Variants in BCAS3 observed in about 807,000 individuals in gnomAD.
BCAS3 encodes the protein BCAS3 microtubule associated cell migration factor.
In BCAS3, 53 loss-of-function variants were observed where a neutral mutation model predicts 116.1. That is an observed-to-expected ratio of 0.46 (90% confidence interval 0.37 to 0.57). The LOEUF (loss-of-function observed/expected upper bound fraction) is 0.57, where lower values mean the gene tolerates loss of function less well. BCAS3 is among the 20% of genes least tolerant of loss of function. The pLI is 0.00. For synonymous variants in BCAS3, 391 were observed against 408.2 expected (o/e 0.96, Z 0.51); for missense variants, 917 against 1,165.4 (o/e 0.79, Z 3.10).
At chr17:60,679,405 C>T in intron 1 of BCAS3, 48 bp from the exon 2 acceptor site, 1 of 1,433,486 alleles carries the variant, frequency 7.0e-7, no homozygotes, top group Admixed American at 1.7e-5. Context: ...CCCCCAACAA[C>T]GATCCATGTT....
At chr17:61,311,935 C>G (rs1433384191) in intron 22 of BCAS3, among the ~76,000 whole-genome samples, 3 of 152,104 alleles carry the variant, frequency 2.0e-5, no homozygotes, top group East Asian at 3.9e-4. Context: ...GATCTTGGCA[C>G]CCTGTGTTGA....
At chr17:60,786,664 C>T (rs1369852915) in intron 6 of BCAS3, among the ~76,000 whole-genome samples, 6 of 151,724 alleles carry the variant, frequency 4.0e-5, no homozygotes, top group African/African-American at 1.5e-4. Context: ...GACTCATGAA[C>T]GTTAATTGAC....
At position 61,105,635 on chromosome 17, in the gene BCAS3, C is replaced by A. The variant is rs560907663; in HGVS notation, c.2425+21071C>A. On this transcript the variant is annotated intron_variant, in intron 22 of 23. Coordinates refer to ENST00000407086, the MANE Select transcript of BCAS3 (RefSeq NM_017679.5). This position sits in a 1 kb window ranked among gnomAD's most constrained non-coding sequence, Gnocchi z 4.3. ...ATAGATGGGGTTTCTCCATGTTGGT[C>A]AGGCTGGTCTCGAACTCCCCACCTC... Among the ~76,000 whole-genome samples, 1 of 152,204 alleles carries A rather than the reference C, an allele frequency of 6.6e-6. No individual in the cohort carries two copies. Among genetic ancestry groups the A allele is most frequent in the East Asian group, 1.9e-4 (1 of 5,166 alleles).
intron 9 of BCAS3, chr17:60,886,518 C>G (rs1427427171): frequency 4.7e-4 from 71 of 150,196 alleles, no homozygotes; most frequent in Admixed American, 7.3e-4. Context: ...GAGGAGAGAC[C>G]CTCTGCGTTT....
rs988408971 is a variant in BCAS3 at position 61,161,903 on chromosome 17, G to T, written c.2425+77339G>T. On this transcript the variant is annotated intron_variant, in intron 22 of 23. Coordinates refer to ENST00000407086, the MANE Select transcript of BCAS3 (RefSeq NM_017679.5). The surrounding 1 kb of genome is among the most constrained non-coding windows in gnomAD (Gnocchi z 4.8). Reference sequence around the variant, plus strand: ...CAAAGATGAGCAGCACGGATTTGCTGCGATGGTCAGAATTCAATTATATTA... The same window carrying T: ...CAAAGATGAGCAGCACGGATTTGCTTCGATGGTCAGAATTCAATTATATTA... Among the ~76,000 whole-genome samples, 1 of 152,180 alleles carries T rather than the reference G, an allele frequency of 6.6e-6. No homozygotes were observed. The highest frequency in any genetic ancestry group is 1.5e-5 in the Non-Finnish European group (1 of 68,026).
intron 5 of BCAS3, among the ~76,000 whole-genome samples, chr17:60,712,769 A>C (rs1334685287): frequency 6.6e-6 from 1 of 152,216 alleles, no homozygotes; most frequent in Admixed American, 6.5e-5. Flanking sequence ...ATAAAATATG[A>C]GACTCAAAGA....
chr17:60,811,146 G>A, intron 7 of BCAS3: 3 of 634,288 alleles, frequency 4.7e-6, no homozygotes, highest in South Asian at 1.5e-5. Flanking sequence ...TGAGGGAGGT[G>A]GAGGCCCACT....
At position 61,346,489 on chromosome 17, in the gene BCAS3, G is replaced by C. The variant is rs768049731; in HGVS notation, c.2426-21838G>C. 2.0e-5 allele frequency among the ~76,000 whole-genome samples: 3 copies of C among 152,216 alleles called. No homozygotes were observed. Among genetic ancestry groups the C allele is most frequent in the African/African-American group, 4.8e-5 (2 of 41,448 alleles). The stretch of plus-strand genomic sequence containing the variant: ...CTGGGGCTGTTGTGAGGCTCTGTGG[G>C]ATAGCAGCACATTCAAGCATTGACT... On this transcript the variant is annotated intron_variant, in intron 22 of 23. Transcript: ENST00000407086. The surrounding 1 kb of genome is among the most constrained non-coding windows in gnomAD (Gnocchi z 5.4).
At chr17:61,303,262 G>A (rs1371455085) in intron 22 of BCAS3, among the ~76,000 whole-genome samples, 1 of 152,224 alleles carries the variant, frequency 6.6e-6, no homozygotes, top group East Asian at 1.9e-4. Context: ...GGCATCTTCT[G>A]AGCTGCCTAA....
chr17:60,697,582 CAAAAA>C (rs758307797), intron 4 of BCAS3, among the ~76,000 whole-genome samples: 137 of 59,018 alleles, frequency 2.3e-3, no homozygotes, highest in African/African-American at 6.1e-3. Context: ...GACTCTGTCT[CAAAAA>C]AAAAAAAAAA....
rs550952034 is a variant in BCAS3 at position 60,711,704 on chromosome 17, T to C, written c.321+2379T>C. Among the ~76,000 whole-genome samples the C allele has an allele frequency of 5.6e-5, 7 of 125,376 alleles. No individual in the cohort carries two copies. In the South Asian group the frequency reaches 1.3e-3, roughly 23 times the overall value. The allele number at this position is 125,376 out of a possible 152,430, so 82.3% of individuals were successfully genotyped here. The stretch of plus-strand genomic sequence containing the variant: ...TTATATTTTGAGAGACTTGAATAAT[T>C]TTTTTTTTGATAGAATTTTCTTTGG... On this transcript the variant is annotated intron_variant, in intron 5 of 23. Transcript: ENST00000407086.
In BCAS3 at chr17:60,967,526, G is replaced by C. The variant is rs1055668034; in HGVS notation, c.1221+20174G>C. Among the ~76,000 whole-genome samples, 3 of 151,980 alleles carry C rather than the reference G, an allele frequency of 2.0e-5. No individual in the cohort carries two copies. Among genetic ancestry groups the C allele is most frequent in the Non-Finnish European group, 4.4e-5 (3 of 67,996 alleles). ...TATACGTGTTAGAGTACTTTTATTT[G>C]GGTTGAGTGTTGTTCTCAGTCCTTC... On this transcript the variant is annotated intron_variant, in intron 14 of 23. Transcript: ENST00000407086. This position sits in a 1 kb window ranked among gnomAD's most constrained non-coding sequence, Gnocchi z 4.7.
At chr17:60,736,892 C>CCCTTCCTCCCTT (rs573534704) in intron 5 of BCAS3, among the ~76,000 whole-genome samples, 12 of 130,592 alleles carry the variant, frequency 9.2e-5, no homozygotes, top group East Asian at 5.1e-4. Context: ...CTCCCTCCCT[C>CCCTTCCTCCCTT]CCTCCCTTCC....
intron 22 of BCAS3, among the ~76,000 whole-genome samples, chr17:61,284,794 C>T (rs1568751456): frequency 6.6e-6 from 1 of 152,122 alleles, no homozygotes; most frequent in Non-Finnish European, 1.5e-5. Context: ...CAGAAGAGCT[C>T]TCAGGGTCTC....
At chr17:60,777,668 A>G (rs1474583113) in intron 6 of BCAS3, among the ~76,000 whole-genome samples, 1 of 151,980 alleles carries the variant, frequency 6.6e-6, no homozygotes, top group Non-Finnish European at 1.5e-5. Context: ...CTCACAGGTT[A>G]TTTCTCATTC....
At chr17:61,089,491 T>A (rs2073352862) in intron 22 of BCAS3, among the ~76,000 whole-genome samples, 1 of 144,636 alleles carries the variant, frequency 6.9e-6, no homozygotes, top group South Asian at 2.3e-4. Context: ...TTTTTTTTCT[T>A]CGAGACGGAG....
chr17:60,903,004 T>A (rs761140174), intron 11 of BCAS3, among the ~76,000 whole-genome samples: 1 of 152,188 alleles, frequency 6.6e-6, no homozygotes, highest in Non-Finnish European at 1.5e-5. Flanking sequence ...AGAATATTAT[T>A]CCCTATGAAA....
In BCAS3 at chr17:61,188,187, G is replaced by T. The variant is rs73993716; in HGVS notation, c.2425+103623G>T. ...AAAACAATCTCTCCTTGCTATTCTC[G>T]CTATTGAACAGTCTCCAACTCTTAA... On this transcript the variant is annotated intron_variant, in intron 22 of 23. Transcript: ENST00000407086. The surrounding 1 kb of genome is among the most constrained non-coding windows in gnomAD (Gnocchi z 4.0). 2.0e-5 allele frequency among the ~76,000 whole-genome samples: 3 copies of T among 152,104 alleles called. No individual in the cohort carries two copies. The highest frequency in any genetic ancestry group is 7.2e-5 in the African/African-American group (3 of 41,420).
intron 22 of BCAS3, among the ~76,000 whole-genome samples, chr17:61,085,733 T>A (rs2073037766): frequency 6.6e-6 from 1 of 152,032 alleles, no homozygotes; most frequent in Non-Finnish European, 1.5e-5. Context: ...ATGTGTAGAG[T>A]CGCTATCATT....
Sources: gnomAD v4.1 joint callset for allele counts (sites outside exome capture counted in the v4.1 genomes callset) on GRCh38, gnomAD v4.1.1 for gene constraint, Gnocchi (gnomAD v3.1) non-coding constraint, MANE v1.5 for transcripts, NCBI Gene and HGNC (gene_info 2026-07-23, HGNC 2026-07-21) for gene names.